The following BCL7C variants were observed in gnomAD, a reference collection of about 807,000 sequenced individuals.
BCL7C encodes BAF chromatin remodeling complex subunit BCL7C.
Under a neutral mutation model 26.2 loss-of-function variants are expected in BCL7C, and 8 were observed. The ratio of observed to expected loss-of-function variants is 0.30; its 90% confidence interval spans 0.18 to 0.55. The LOEUF is 0.55. BCL7C is among the 20% of genes least tolerant of loss of function. The pLI, the probability that BCL7C is intolerant of heterozygous loss-of-function variation, is 0.93. For synonymous variants in BCL7C, 90 were observed against 116.5 expected (o/e 0.77, Z 1.47); for missense variants, 262 against 298.5 (o/e 0.88, Z 0.90).
chr16:30,837,461 C>T (rs932187504), intron 5 of BCL7C, among the ~76,000 whole-genome samples: 4 of 152,110 alleles, frequency 2.6e-5, no homozygotes, highest in African/African-American at 9.7e-5. Context: ...GATTCTCCTG[C>T]CTCAGCCTCC....
intron 5 of BCL7C, among the ~76,000 whole-genome samples, chr16:30,844,114 G>A (rs1459536133): frequency 6.7e-6 from 1 of 149,644 alleles, no homozygotes; most frequent in Non-Finnish European, 1.5e-5. Context: ...CACTTTGGGA[G>A]GCCGAGGCAG....
intron 5 of BCL7C, among the ~76,000 whole-genome samples, chr16:30,881,392 TCACACACACACACA>T (rs72155482): frequency 1.1e-4 from 16 of 144,126 alleles, no homozygotes; most frequent in South Asian, 2.3e-4. Context: ...TGAGACTCCG[TCACACACACACACA>T]CACACACACA....
chr16:30,869,670 C>T (rs2054866225), intron 5 of BCL7C, among the ~76,000 whole-genome samples: 1 of 151,990 alleles, frequency 6.6e-6, no homozygotes, highest in African/African-American at 2.4e-5. Context: ...GACAATCATG[C>T]CCGACTAATT....
intron 5 of BCL7C, among the ~76,000 whole-genome samples, chr16:30,879,689 C>CAAAAAAAAAGAAAA (rs2055008439): frequency 3.4e-5 from 1 of 29,406 alleles, no homozygotes; most frequent in Non-Finnish European, 5.9e-5. Context: ...CCCTTCTCTA[C>CAAAAAAAAAGAAAA]AAAAAAAAAA....
At chr16:30,887,476 CA>C (rs397854743), downstream of BCL7C, among the ~76,000 whole-genome samples, 26,552 of 75,832 alleles carry the variant, frequency 0.35, 2,597 homozygotes, top group South Asian at 0.66. Flanking sequence ...GTCTGTGTCT[CA>C]AAAAAAAAAA....
chr16:30,867,925 G>T (rs1341674732), intron 5 of BCL7C, among the ~76,000 whole-genome samples: 1 of 152,108 alleles, frequency 6.6e-6, no homozygotes, highest in African/African-American at 2.4e-5. Flanking sequence ...CTGGAAGCTG[G>T]AAGAGAGAGT....
intron 4 of BCL7C, among the ~76,000 whole-genome samples, chr16:30,889,941 A>C (rs1260066588): frequency 6.6e-6 from 1 of 151,796 alleles, no homozygotes; most frequent in African/African-American, 2.4e-5. Context: ...AAAAAAAAAA[A>C]AAGCAAAGCT....
In BCL7C at chr16:30,893,301, G is replaced by A. The variant is rs369885968; in HGVS notation, c.93-11C>T. ...ACCCATCGCTTCTCCCTGTGGGAGG[G>A]TGGGGGGCTGGGTCAGAGAGGCCTG... On this transcript the variant is annotated splice_polypyrimidine_tract_variant and intron_variant, in intron 1 of 5. Transcript: ENST00000215115. This position sits in a 1 kb window ranked among gnomAD's most constrained non-coding sequence, Gnocchi z 5.2. The A allele has an allele frequency of 1.9e-6, 3 of 1,611,556 alleles. No individual in the cohort carries two copies. Among genetic ancestry groups the A allele is most frequent in the Non-Finnish European group, 2.5e-6 (3 of 1,178,518 alleles).
At chr16:30,874,447 ACT>A (rs1311998346) in intron 5 of BCL7C, among the ~76,000 whole-genome samples, 2 of 151,854 alleles carry the variant, frequency 1.3e-5, no homozygotes, top group Non-Finnish European at 2.9e-5. Context: ...CGAGATCCTG[ACT>A]CTACAAAAAA....
chr16:30,875,543 A>C (rs971414856), intron 5 of BCL7C: 7 of 152,384 alleles, frequency 4.6e-5, no homozygotes, highest in Admixed American at 4.6e-4. Flanking sequence ...CACTGCGAGC[A>C]CAGCCCTGAG....
At chr16:30,845,010 T>C (rs565992483) in intron 5 of BCL7C, among the ~76,000 whole-genome samples, 43 of 152,306 alleles carry the variant, frequency 2.8e-4, no homozygotes, top group Middle Eastern at 3.4e-3. Flanking sequence ...CCTAGATGCA[T>C]GTCCAGAGTG....
intron 5 of BCL7C, among the ~76,000 whole-genome samples, chr16:30,874,509 C>T (rs1398729548): frequency 1.3e-5 from 2 of 151,884 alleles, no homozygotes; most frequent in Non-Finnish European, 2.9e-5. Flanking sequence ...CCCAGACACT[C>T]CTGAGGTTGA....
At chr16:30,857,132 T>C (rs2054729247) in intron 5 of BCL7C, among the ~76,000 whole-genome samples, 1 of 152,242 alleles carries the variant, frequency 6.6e-6, no homozygotes, top group Admixed American at 6.5e-5. Context: ...CTTATGCCTG[T>C]AATCCCAGCA....
Position 30,892,771 on chromosome 16 carries a change from G to A in BCL7C, c.281-24C>T, listed in dbSNP as rs1331776090. The A allele has an allele frequency of 2.5e-6, 4 of 1,613,998 alleles. No individual in the cohort carries two copies. In the African/African-American group the frequency reaches 5.3e-5, roughly 22 times the overall value. ...ATCTGCGGGAGCAAGAGCCGAGATG[G>A]TTGGCCTGAGATCCCTAGTACACTC... is the stretch of plus-strand genomic sequence containing the variant. On this transcript the variant is annotated intron_variant, in intron 3 of 5. Transcript: ENST00000215115.
intron 5 of BCL7C, among the ~76,000 whole-genome samples, chr16:30,876,657 C>G (rs2054954514): frequency 6.6e-6 from 1 of 151,816 alleles, no homozygotes; most frequent in South Asian, 2.1e-4. Flanking sequence ...GGTCAGGGAA[C>G]CTTGGAGGAG....
chr16:30,889,028 GGCCC>G, intron 4 of BCL7C, 83 bp from the exon 5 acceptor site: 1 of 1,364,212 alleles, frequency 7.3e-7, no homozygotes, highest in Non-Finnish European at 1.0e-6. Context: ...GATGGTCACA[GGCCC>G]CAGTCACAGA....
intron 5 of BCL7C, among the ~76,000 whole-genome samples, chr16:30,880,240 T>C (rs1045182824): frequency 2.3e-4 from 35 of 151,808 alleles, no homozygotes; most frequent in Non-Finnish European, 2.2e-4. Flanking sequence ...TCCCAGCACT[T>C]TGGGAGGCAG....
chr16:30,854,707 C>T (rs113487606), intron 5 of BCL7C, among the ~76,000 whole-genome samples: 33 of 145,260 alleles, frequency 2.3e-4, no homozygotes, highest in Non-Finnish European at 2.7e-4. Flanking sequence ...CACTCACTTT[C>T]TTTTTTTTTT....
intron 5 of BCL7C, among the ~76,000 whole-genome samples, chr16:30,861,793 A>G (rs1269096471): frequency 6.8e-6 from 1 of 148,096 alleles, no homozygotes; most frequent in African/African-American, 2.5e-5. Context: ...TGTTGTGGGT[A>G]TTCACGACCA....
Sources: allele counts gnomAD v4.1 joint callset (sites outside exome capture counted in the v4.1 genomes callset), GRCh38; gene constraint gnomAD v4.1.1; non-coding constraint Gnocchi (gnomAD v3.1); transcripts MANE v1.5; gene names NCBI Gene and HGNC (gene_info 2026-07-23, HGNC 2026-07-21).